Variants in TTC27 observed in about 807,000 individuals in gnomAD.
TTC27 encodes tetratricopeptide repeat protein 27.
A neutral mutation model predicts 115.9 loss-of-function variants in TTC27; 79 were observed. The ratio of observed to expected loss-of-function variants is 0.68; its 90% confidence interval spans 0.57 to 0.82. TTC27 has a LOEUF of 0.82. Ranked by LOEUF, TTC27 falls within the 40% of genes least tolerant of loss-of-function variation. The pLI, the probability that TTC27 is intolerant of heterozygous loss-of-function variation, is 0.00. For synonymous variants in TTC27, 401 were observed against 356.0 expected, an observed-to-expected ratio of 1.13 and a Z score of -1.42; for missense variants, 1,054 against 993.1, an observed-to-expected ratio of 1.06 and a Z score of -0.82.
At chr2:32,707,605 A>C (rs1452585292) in intron 10 of TTC27, among the ~76,000 whole-genome samples, 1 of 152,136 alleles carries the variant, frequency 6.6e-6, no homozygotes, top group African/African-American at 2.4e-5. Flanking sequence ...CCTTATTCCA[A>C]AGTTTAAAAA....
At chr2:32,641,208 G>T (rs1416581941) in intron 4 of TTC27, among the ~76,000 whole-genome samples, 1 of 152,084 alleles carries the variant, frequency 6.6e-6, no homozygotes, top group Non-Finnish European at 1.5e-5. Context: ...AACTAGTGAG[G>T]ACAAATATAC....
At chr2:32,629,342 A>T (rs1391837015) in intron 1 of TTC27, among the ~76,000 whole-genome samples, 1 of 150,802 alleles carries the variant, frequency 6.6e-6, no homozygotes. Flanking sequence ...CTGGTCTGGA[A>T]CTCCTGACCT....
intron 10 of TTC27, among the ~76,000 whole-genome samples, chr2:32,712,095 A>G (rs1667600387): frequency 6.6e-6 from 1 of 152,234 alleles, no homozygotes; most frequent in Non-Finnish European, 1.5e-5. Context: ...AGTCTGGACT[A>G]CACAGACTTA....
intron 13 of TTC27, among the ~76,000 whole-genome samples, chr2:32,765,212 A>G (rs1001907424): frequency 1.8e-4 from 28 of 152,312 alleles, no homozygotes; most frequent in African/African-American, 6.0e-4. Context: ...ATAAAACTTG[A>G]AAGTCTAGAT....
At chr2:32,786,852 C>G (rs1670363948) in intron 15 of TTC27, 132 bp from the exon 16 acceptor site, 5 of 794,698 alleles carry the variant, frequency 6.3e-6, no homozygotes, top group Non-Finnish European at 9.4e-6. Flanking sequence ...TTGTCTGGGT[C>G]TCTAATTCTG....
intron 5 of TTC27, among the ~76,000 whole-genome samples, chr2:32,660,383 G>A (rs374873693): frequency 1.3e-5 from 2 of 152,112 alleles, no homozygotes; most frequent in African/African-American, 4.8e-5. Context: ...TAAAGAAAAT[G>A]TGGCACATAT....
In TTC27 at chr2:32,820,270, G is replaced by A. The variant is rs75363942; in HGVS notation, c.2410-546G>A. ...GAGGCATTTCCAAATGTTTTCAGCT[G>A]TGGTAGCATGATTGAAATATGTTGC... On this transcript the variant is annotated intron_variant, in intron 19 of 19. Transcript: ENST00000317907. Among the ~76,000 whole-genome samples, 1,102 of 152,320 alleles carry A rather than the reference G, an allele frequency of 7.2e-3. 15 individuals are homozygous for A. The highest frequency in any genetic ancestry group is 0.025 in the African/African-American group (1,060 of 41,572).
Position 32,767,445 on chromosome 2 carries a change from TTTTTTTTG to T in TTC27, c.1680+8934_1680+8941del, listed in dbSNP as rs1235426124. Among the ~76,000 whole-genome samples the T allele has an allele frequency of 8.3e-4, 65 of 78,100 alleles. No individual in the cohort carries two copies. The South Asian group carries it at 0.032, about 39-fold the overall frequency. The allele number at this position is 78,100 out of a possible 152,430, so 51.2% of individuals were successfully genotyped here. A position where few individuals can be genotyped will look rare whatever the true frequency, so the allele number is the denominator to read the frequency against. ...AGATACTAAGTGAATATTTATAAGT[TTTTTTTTG>T]TTTTTTTTTTTTTTTTTGAGACAGA... On this transcript the variant is annotated intron_variant, in intron 13 of 19. Transcript: ENST00000317907.
chr2:32,656,220 T>C (rs1665310085), intron 5 of TTC27, among the ~76,000 whole-genome samples: 1 of 152,192 alleles, frequency 6.6e-6, no homozygotes, highest in African/African-American at 2.4e-5. Flanking sequence ...GACACTGCGC[T>C]ATGTGCTGTG....
rs527609317 is a variant in TTC27 at position 32,774,005 on chromosome 2, A to G, written c.1681-3877A>G. 4.2e-3 allele frequency among the ~76,000 whole-genome samples: 642 copies of G among 152,268 alleles called. 3 individuals carry two copies. Among genetic ancestry groups the G allele is most frequent in the Non-Finnish European group, 5.7e-3 (390 of 68,028 alleles). ...TCCATGCTGTGTTGAATTCACATCA[A>G]ATTTCACAAATTTGTGTTGAATTCA... On this transcript the variant is annotated intron_variant, in intron 13 of 19. Coordinates refer to ENST00000317907, the MANE Select transcript of TTC27 (RefSeq NM_017735.5).
chr2:32,663,668 GTATGTATGTATGTATT>G (rs1468086661), intron 5 of TTC27, among the ~76,000 whole-genome samples: 3 of 151,304 alleles, frequency 2.0e-5, no homozygotes, highest in East Asian at 2.0e-4. Flanking sequence ...ATGTATGTAT[GTATGTATGTATGTATT>G]TATTTATTTA....
intron 10 of TTC27, among the ~76,000 whole-genome samples, chr2:32,725,423 A>C (rs567676602): frequency 6.6e-6 from 1 of 152,270 alleles, no homozygotes; most frequent in Admixed American, 6.5e-5. Flanking sequence ...TGACCAAAAC[A>C]AAGAGGCTAT....
intron 10 of TTC27, among the ~76,000 whole-genome samples, chr2:32,729,071 A>C (rs1668206348): frequency 6.6e-6 from 1 of 152,202 alleles, no homozygotes; most frequent in African/African-American, 2.4e-5. Context: ...GCATATGATC[A>C]GTCATAACTT....
At chr2:32,770,962 T>C (rs1047435953) in intron 13 of TTC27, among the ~76,000 whole-genome samples, 1 of 152,202 alleles carries the variant, frequency 6.6e-6, no homozygotes, top group African/African-American at 2.4e-5. Context: ...TATTTTTCCC[T>C]TCTAATATTG....
At chr2:32,719,357 G>C (rs1207837020) in intron 10 of TTC27, among the ~76,000 whole-genome samples, 3 of 152,210 alleles carry the variant, frequency 2.0e-5, no homozygotes, top group African/African-American at 7.2e-5. Flanking sequence ...TGGAATAGCA[G>C]GGTCAGAAAG....
At position 32,734,349 on chromosome 2, in the gene TTC27, C is replaced by T. The variant is rs183523750; in HGVS notation, c.1329+426C>T. ...CCAGCCTCCTGAGCAGCTGGGACTA[C>T]AGATGTGCACTACCATGCCTGGCTT... On this transcript the variant is annotated intron_variant, in intron 11 of 19. Coordinates refer to ENST00000317907, the MANE Select transcript of TTC27 (RefSeq NM_017735.5). 1.4e-3 allele frequency among the ~76,000 whole-genome samples: 217 copies of T among 152,202 alleles called. 3 individuals are homozygous for T. The highest frequency in any genetic ancestry group is 1.7e-3 in the Non-Finnish European group (114 of 68,014).
intron 9 of TTC27, among the ~76,000 whole-genome samples, chr2:32,685,573 A>C (rs2151892433): frequency 6.6e-6 from 1 of 152,346 alleles, no homozygotes; most frequent in South Asian, 2.1e-4. Context: ...GGAATACAAA[A>C]TTGGTTTAAT....
intron 8 of TTC27, among the ~76,000 whole-genome samples, chr2:32,675,636 C>T (rs556009360): frequency 2.6e-4 from 40 of 152,094 alleles, no homozygotes; most frequent in Non-Finnish European, 5.3e-4. Flanking sequence ...TTTGCATGTA[C>T]TAAGTTACTG....
At chr2:32,722,892 A>G (rs547651065) in intron 10 of TTC27, among the ~76,000 whole-genome samples, 2 of 152,304 alleles carry the variant, frequency 1.3e-5, no homozygotes, top group South Asian at 4.2e-4. Flanking sequence ...TTGGCTTCTG[A>G]TAAGGCCAAG....
Sources: gnomAD v4.1 joint callset for allele counts (sites outside exome capture counted in the v4.1 genomes callset) on GRCh38, gnomAD v4.1.1 for gene constraint, MANE v1.5 for transcripts, NCBI Gene and HGNC (gene_info 2026-07-23, HGNC 2026-07-21) for gene names.